Variants in N4BP2 observed in about 807,000 individuals in gnomAD.
N4BP2 encodes the protein NEDD4-binding protein 2.
N4BP2 carries 91 observed loss-of-function variants against 152.8 expected under a neutral mutation model. The ratio of observed to expected loss-of-function variants is 0.60; its 90% CI spans 0.50 to 0.71. The LOEUF (loss-of-function observed/expected upper bound fraction) is 0.71. Ranked by LOEUF, N4BP2 falls within the 30% of genes least tolerant of loss-of-function variation. The pLI, the probability that N4BP2 is intolerant of heterozygous loss-of-function variation, is 0.00. For synonymous variants in N4BP2, 646 were observed against 705.3 expected (o/e 0.92, Z 1.33); for missense variants, 1,923 against 2,059.1 (o/e 0.93, Z 1.28).
At chr4:40,110,717 T>C (rs1716790803) in intron 5 of N4BP2, among the ~76,000 whole-genome samples, 1 of 152,312 alleles carries the variant, frequency 6.6e-6, no homozygotes, top group East Asian at 1.9e-4. Flanking sequence ...TTTGTATTTT[T>C]AGTAGAGACG....
rs1203435598 is a variant in N4BP2 at position 40,072,350 on chromosome 4, A to G, written c.-211-1105A>G. Among the ~76,000 whole-genome samples the G allele has an allele frequency of 6.0e-5, 9 of 150,790 alleles. No homozygotes were observed. The East Asian group carries it at 1.6e-3, about 26-fold the overall frequency. ...AACCTTCGACTCCCTGGTTCAAGCA[A>G]TTCTCCTGCCTCAGCCTCCTGAGTA... On this transcript the variant is annotated intron_variant, in intron 1 of 17. Transcript: ENST00000261435.
chr4:40,154,022 T>C (rs1211043442), intron 17 of N4BP2, among the ~76,000 whole-genome samples, 170 bp from the exon 18 acceptor site: 1 of 152,188 alleles, frequency 6.6e-6, no homozygotes, highest in East Asian at 1.9e-4. Context: ...TGACCGTAGA[T>C]AAAAGGAACA....
Position 40,121,945 on chromosome 4 carries a change from A to G in N4BP2, c.3834A>G (p.Ile1278Met), listed in dbSNP as rs778337183. Residue 1278 changes from isoleucine to methionine, a missense_variant, in exon 9 of 18, where the codon ATA (isoleucine) becomes ATG (methionine). By Grantham distance (10) the Ile-to-Met change is conservative (BLOSUM62 1). Coordinates refer to ENST00000261435, the MANE Select transcript of N4BP2 (RefSeq NM_018177.6). The part of the protein sequence containing the change: ...NLVVTETGDN[I>M]HSPSHFSDIF... ...TAGTCACAGAGACTGGAGACAACAT[A>G]CATTCTCCTTCACATTTCTCTGATA... The G allele has an allele frequency of 2.5e-6, 4 of 1,572,978 alleles. No individual in the cohort carries two copies. Among genetic ancestry groups the G allele is most frequent in the Non-Finnish European group, 3.4e-6 (4 of 1,163,146 alleles).
intron 13 of N4BP2, among the ~76,000 whole-genome samples, chr4:40,135,537 G>A (rs952696353): frequency 1.3e-5 from 2 of 152,114 alleles, no homozygotes; most frequent in African/African-American, 4.8e-5. Context: ...GACTTCCACA[G>A]TGGTTGAACT....
Position 40,102,978 on chromosome 4 carries a change from G to A in N4BP2, c.1133G>A (p.Gly378Asp). The A allele has an allele frequency of 6.2e-7, 1 of 1,614,154 alleles. No individual in the cohort carries two copies. Residue 378 changes from glycine to aspartate, a missense_variant, in exon 4 of 18, where the codon GGC becomes GAC. By Grantham distance (94) the Gly-to-Asp change is moderately conservative (BLOSUM62 -1). Transcript: ENST00000261435. ...TTTGACCTCTTCCAAGGAAACCATGGCTTTGTAGCTCCTGTTGTAACCACA... is the reference window on the plus strand; with the variant it reads ...TTTGACCTCTTCCAAGGAAACCATGACTTTGTAGCTCCTGTTGTAACCACA... ...PAFDLFQGNH[G>D]FVAPVVTTAA...
At chr4:40,184,184 A>G in the N4BP2 span, among the ~76,000 whole-genome samples, 1 of 152,212 alleles carries the variant, frequency 6.6e-6, no homozygotes, top group East Asian at 1.9e-4. Flanking sequence ...GTAGTCATCT[A>G]TGTTAAACGT....
intron 2 of N4BP2, among the ~76,000 whole-genome samples, chr4:40,085,556 A>G (rs532210482): frequency 6.6e-5 from 10 of 152,064 alleles, no homozygotes; most frequent in Non-Finnish European, 1.5e-4. Context: ...TCCTAGAGTC[A>G]AGTGATCCTC....
intron 2 of N4BP2, among the ~76,000 whole-genome samples, chr4:40,093,745 T>C (rs1020343633): frequency 2.0e-5 from 3 of 152,122 alleles, no homozygotes; most frequent in Non-Finnish European, 4.4e-5. Context: ...GTTTCTTCAG[T>C]GCGCGTGCCA....
At chr4:40,086,817 AGCTCACT>A (rs1310235945) in intron 2 of N4BP2, among the ~76,000 whole-genome samples, 14 of 152,056 alleles carry the variant, frequency 9.2e-5, no homozygotes, top group Non-Finnish European at 2.1e-4. Flanking sequence ...GTGCGATCAG[AGCTCACT>A]GCAGCCTTGA....
At position 40,097,574 on chromosome 4, in the gene N4BP2, G is replaced by GA. The variant is rs963179390; in HGVS notation, c.229+10dup. On this transcript the variant is annotated splice_donor_region_variant and intron_variant, in intron 3 of 17. Transcript: ENST00000261435. ...TTTCTGAATGTGATTTCAAAGGTGA[G>GA]AAAAAGTTTAGTTTGAACCCTGTCC... 2 of 1,590,646 alleles carry GA rather than the reference G, an allele frequency of 1.3e-6. No homozygotes were observed. The highest frequency in any genetic ancestry group is 2.7e-5 in the African/African-American group (2 of 74,438).
At chr4:40,189,215 A>C in the N4BP2 span, among the ~76,000 whole-genome samples, 1 of 151,196 alleles carries the variant, frequency 6.6e-6, no homozygotes, top group African/African-American at 2.4e-5. This position sits in a 1 kb window ranked among gnomAD's most constrained non-coding sequence, Gnocchi z 4.3. Flanking sequence ...AGAGAATAAC[A>C]AGCTGAAGAA....
intron 7 of N4BP2, among the ~76,000 whole-genome samples, chr4:40,115,322 C>T (rs1191397803): frequency 1.3e-5 from 2 of 152,008 alleles, no homozygotes; most frequent in Non-Finnish European, 2.9e-5. Flanking sequence ...CAGAGTGGGA[C>T]CCTGACTCTA....
rs11384930 is a variant in N4BP2 at position 40,066,320 on chromosome 4, C to CTTTT, written c.-211-7122_-211-7119dup. On this transcript the variant is annotated intron_variant, in intron 1 of 17. Coordinates refer to ENST00000261435, the MANE Select transcript of N4BP2 (RefSeq NM_018177.6). ...TCAGGATTTCTATTTGTGATTTTCC[C>CTTTT]TTTTTTTTTTTTTTTTGAGACAGTG... Among the ~76,000 whole-genome samples the CTTTT allele has an allele frequency of 2.3e-5, 3 of 129,068 alleles. 1 individual carries two copies. Among genetic ancestry groups the CTTTT allele is most frequent in the African/African-American group, 5.9e-5 (2 of 34,070 alleles). The allele number at this position is 129,068 out of a possible 152,430, so 84.7% of individuals were successfully genotyped here.
intron 16 of N4BP2, among the ~76,000 whole-genome samples, chr4:40,150,910 GAT>G: frequency 6.6e-6 from 1 of 152,262 alleles, no homozygotes; most frequent in African/African-American, 2.4e-5. Flanking sequence ...AATTTTATAA[GAT>G]ATGATGGTGC....
At position 40,063,982 on chromosome 4, in the gene N4BP2, A is replaced by AG. The variant is rs113670298; in HGVS notation, c.-212+6960dup. 1.7e-3 allele frequency among the ~76,000 whole-genome samples: 262 copies of AG among 150,658 alleles called. 2 individuals carry two copies. Among genetic ancestry groups the AG allele is most frequent in the African/African-American group, 4.0e-3 (162 of 41,004 alleles). ...TATTTAGAGAGATTGGTGGGGCGGC[A>AG]GGGGGGGGTCTCACTATGTTGCCTA... is the stretch of plus-strand genomic sequence containing the variant. On this transcript the variant is annotated intron_variant, in intron 1 of 17. Coordinates refer to ENST00000261435, the MANE Select transcript of N4BP2 (RefSeq NM_018177.6).
rs776549399 is a variant in N4BP2, at chr4:40,120,813, C to A, written c.2702C>A (p.Pro901Gln). 1 of 1,614,096 alleles carries A rather than the reference C, an allele frequency of 6.2e-7. No individual in the cohort carries two copies. Among genetic ancestry groups the A allele is most frequent in the South Asian group, 1.1e-5 (1 of 91,070 alleles). Reference sequence around the variant, plus strand: ...CAGAGGGAACACAGATCAAGAATGCCAAAGACTGGTTTAAGTGAGCCCAAC... The same window carrying A: ...CAGAGGGAACACAGATCAAGAATGCAAAAGACTGGTTTAAGTGAGCCCAAC... ...LAQREHRSRM[P>Q]KTGLSEPNLE... The change falls in exon 9 of 18, where the codon CCA (proline) becomes CAA (glutamine). Residue 901 changes from proline (P) to glutamine (Q), a missense_variant. Transcript: ENST00000261435.
chr4:40,119,970 A>C lies in N4BP2; in HGVS notation c.1859A>C (p.Glu620Ala), dbSNP rs377625019. 42 of 1,509,826 alleles carry C rather than the reference A, an allele frequency of 2.8e-5. No individual in the cohort carries two copies. Among genetic ancestry groups the C allele is most frequent in the Non-Finnish European group, 5.4e-6 (6 of 1,111,178 alleles). 93.5% of individuals were successfully genotyped at this position (1,509,826 alleles called of 1,614,324 possible). A position where few individuals can be genotyped will look rare whatever the true frequency, so the allele number is the denominator to read the frequency against. ...GAAGATATTATCTCTGAAAAAGAAGAAAATATTTTATCTTTATCTTTGAAG... is the reference window on the plus strand; with the variant it reads ...GAAGATATTATCTCTGAAAAAGAAGCAAATATTTTATCTTTATCTTTGAAG... ...DDEDIISEKE[E>A]NILSLSLKHL... The change falls in exon 9 of 18, where the codon GAA (glutamate) becomes GCA (alanine). Residue 620 changes from glutamate (E) to alanine (A), a missense_variant. By Grantham distance (107) the Glu-to-Ala change is moderately radical (BLOSUM62 -1). Coordinates refer to ENST00000261435, the MANE Select transcript of N4BP2 (RefSeq NM_018177.6).
At chr4:40,169,772 G>C in the N4BP2 span, among the ~76,000 whole-genome samples, 12 of 151,148 alleles carry the variant, frequency 7.9e-5, no homozygotes, top group Admixed American at 5.9e-4. Flanking sequence ...CGAGACCAGC[G>C]TGACCAACAT....
chr4:40,108,912 G>A (rs1257665899), intron 5 of N4BP2, among the ~76,000 whole-genome samples: 1 of 151,500 alleles, frequency 6.6e-6, no homozygotes, highest in East Asian at 2.0e-4. Flanking sequence ...TGCCTCCCGG[G>A]TTTAAGCGAT....
Sources: allele counts gnomAD v4.1 joint callset (sites outside exome capture counted in the v4.1 genomes callset), GRCh38; gene constraint gnomAD v4.1.1; non-coding constraint Gnocchi (gnomAD v3.1); transcripts MANE v1.5; gene names NCBI Gene and HGNC (gene_info 2026-07-23, HGNC 2026-07-21).